Variants in PCDHGB1 observed in about 807,000 individuals in gnomAD.
The protein encoded by PCDHGB1 is protocadherin gamma subfamily B, 1, also known as protocadherin gamma-B1.
Under a neutral mutation model 56.6 loss-of-function variants are expected in PCDHGB1, and 34 were observed. That is an observed-to-expected ratio of 0.60 (90% confidence interval 0.46 to 0.80). The LOEUF is 0.80. Among genes scored for constraint, PCDHGB1 ranks in the 30% least tolerant of loss-of-function variants. PCDHGB1 has a pLI of 0.00. For synonymous variants in PCDHGB1, 561 were observed against 505.9 expected, an observed-to-expected ratio of 1.11 and a Z score of -1.46; for missense variants, 1,278 against 1,204.6, an observed-to-expected ratio of 1.06 and a Z score of -0.90.
At chr5:141,468,668 C>T (rs993230755) in intron 1 of PCDHGB1, 1 of 149,910 alleles carries the variant, frequency 6.7e-6, no homozygotes, top group Admixed American at 6.7e-5. Context: ...AGATCAAGAC[C>T]ATCCTGGCTA....
intron 1 of PCDHGB1, chr5:141,365,051 C>T: frequency 6.2e-7 from 1 of 1,613,924 alleles, no homozygotes; most frequent in Non-Finnish European, 8.5e-7. Context: ...CAATGCGCCC[C>T]TGTTCACCCC....
At chr5:141,423,734 T>C in intron 1 of PCDHGB1, 1 of 969,626 alleles carries the variant, frequency 1.0e-6, no homozygotes, top group Non-Finnish European at 1.3e-6. Flanking sequence ...TTTTTGAGCC[T>C]GTTATGAAAA....
chr5:141,389,832 C>G (rs758113562), intron 1 of PCDHGB1: 1 of 1,613,966 alleles, frequency 6.2e-7, no homozygotes, highest in Admixed American at 1.7e-5. Context: ...CGGTGGACAG[C>G]CACCACTCTC....
chr5:141,423,647 C>T (rs775169904), intron 1 of PCDHGB1: 3 of 1,589,144 alleles, frequency 1.9e-6, no homozygotes, highest in Non-Finnish European at 2.6e-6. Flanking sequence ...AAATGTGACC[C>T]GACAAGTAAT....
At chr5:141,422,187 T>A in intron 1 of PCDHGB1, 1 of 1,561,762 alleles carries the variant, frequency 6.4e-7, no homozygotes, top group South Asian at 1.2e-5. Context: ...AGATGGAAAT[T>A]CAAGGCCAAG....
At chr5:141,483,179 G>C (rs2099577971) in intron 1 of PCDHGB1, among the ~76,000 whole-genome samples, 2 of 152,294 alleles carry the variant, frequency 1.3e-5, no homozygotes, top group African/African-American at 4.8e-5. Flanking sequence ...TTTGGGCCAA[G>C]CCAAGGAGTT....
intron 1 of PCDHGB1, chr5:141,370,309 A>G: frequency 8.1e-7 from 1 of 1,240,254 alleles, no homozygotes; most frequent in South Asian, 1.6e-5. Flanking sequence ...GACAAAGCAA[A>G]TAGTTGGTCC....
chr5:141,417,862 G>C, intron 1 of PCDHGB1: 1 of 1,550,466 alleles, frequency 6.4e-7, no homozygotes, highest in Non-Finnish European at 8.7e-7. Flanking sequence ...AGCGAACGAT[G>C]GGAGGGAGCT....
At chr5:141,429,091 T>A (rs985605582) in intron 1 of PCDHGB1, 2 of 152,160 alleles carry the variant, frequency 1.3e-5, no homozygotes, top group African/African-American at 4.8e-5. Flanking sequence ...CCTGACCTCG[T>A]GATCTGCCCG....
In PCDHGB1 at chr5:141,487,562, G is replaced by A. The variant is rs140619162; in HGVS notation, c.2410-7245G>A. The A allele has an allele frequency of 7.7e-5, 125 of 1,614,060 alleles. 1 individual carries two copies. The highest frequency in any genetic ancestry group is 5.7e-4 in the Admixed American group (34 of 60,006). On this transcript the variant is annotated intron_variant, in intron 1 of 3. Transcript: ENST00000523390. The surrounding 1 kb of genome is among the most constrained non-coding windows in gnomAD (Gnocchi z 5.0). ...GAAGTCACCCAGTGCACCTATGGCA[G>A]GGGAGCCTGTTCGCCCAAGCTGCCC...
At chr5:141,496,637 C>T (rs907246032) in intron 2 of PCDHGB1, among the ~76,000 whole-genome samples, 6 of 152,214 alleles carry the variant, frequency 3.9e-5, no homozygotes, top group Non-Finnish European at 7.3e-5. Context: ...GCTTGGGCTG[C>T]CCTTGCCCTT....
At chr5:141,397,216 T>C (rs772120141) in intron 1 of PCDHGB1, among the ~76,000 whole-genome samples, 32 of 152,186 alleles carry the variant, frequency 2.1e-4, no homozygotes, top group Non-Finnish European at 4.1e-4. Context: ...AGAGAAGTAT[T>C]TTGAGATATG....
intron 1 of PCDHGB1, among the ~76,000 whole-genome samples, chr5:141,401,128 G>C (rs1271194736): frequency 6.6e-6 from 1 of 152,166 alleles, no homozygotes; most frequent in African/African-American, 2.4e-5. Context: ...TGGATCACAT[G>C]GTCAGGAGTT....
intron 1 of PCDHGB1, chr5:141,366,716 A>G (rs746454845): frequency 1.4e-5 from 23 of 1,614,062 alleles, no homozygotes; most frequent in Non-Finnish European, 1.9e-5. Flanking sequence ...GATGTCTGAT[A>G]AGGTAGATGC....
chr5:141,473,988 G>A (rs1006988447), intron 1 of PCDHGB1, among the ~76,000 whole-genome samples: 1 of 152,118 alleles, frequency 6.6e-6, no homozygotes, highest in African/African-American at 2.4e-5. Flanking sequence ...AGGATCCCTT[G>A]AGCCCAAGGA....
rs1340974686 is a variant in PCDHGB1, at chr5:141,477,604, C to T, written c.2410-17203C>T. The T allele has an allele frequency of 6.2e-7, 1 of 1,614,084 alleles. No individual in the cohort carries two copies. Among genetic ancestry groups the T allele is most frequent in the Non-Finnish European group, 8.5e-7 (1 of 1,180,054 alleles). ...AGAATGCTCGGCTTTCTTTCTTTCT[C>T]TTGGAGCAAGGAGCTGAAACCGGGC... On this transcript the variant is annotated intron_variant, in intron 1 of 3. Coordinates refer to ENST00000523390, the MANE Select transcript of PCDHGB1 (RefSeq NM_018922.3). The surrounding 1 kb of genome is among the most constrained non-coding windows in gnomAD (Gnocchi z 4.9).
At chr5:141,428,010 G>A in intron 1 of PCDHGB1, 1 of 1,603,006 alleles carries the variant, frequency 6.2e-7, no homozygotes, top group Non-Finnish European at 8.5e-7. Flanking sequence ...CTTCGATATA[G>A]TGCCACGCGC....
chr5:141,430,477 A>G (rs1329218924), intron 1 of PCDHGB1: 1 of 244,524 alleles, frequency 4.1e-6, no homozygotes, highest in Non-Finnish European at 7.7e-6. Context: ...TATTTAAGAT[A>G]TAAAAACGAA....
chr5:141,415,906 A>G, intron 1 of PCDHGB1: 1 of 784,990 alleles, frequency 1.3e-6, no homozygotes, highest in Non-Finnish European at 1.8e-6. Context: ...ACAGACTTCC[A>G]TACAGAAGTG....
Sources: gnomAD v4.1 joint callset for allele counts (sites outside exome capture counted in the v4.1 genomes callset) on GRCh38, gnomAD v4.1.1 for gene constraint, Gnocchi (gnomAD v3.1) non-coding constraint, MANE v1.5 for transcripts, NCBI Gene and HGNC (gene_info 2026-07-23, HGNC 2026-07-21) for gene names.